ADAMTSL1: variants seen among roughly 807,000 people sequenced by gnomAD.
ADAMTSL1 encodes ADAMTS like 1, also known as ADAMTS-like protein 1.
ADAMTSL1 carries 126 observed loss-of-function variants against 201.8 expected under a neutral mutation model. The ratio of observed to expected loss-of-function variants is 0.62; its 90% confidence interval spans 0.54 to 0.72. ADAMTSL1 has a LOEUF of 0.72. Ranked by LOEUF, ADAMTSL1 falls within the 30% of genes least tolerant of loss-of-function variation. The pLI is 0.00. For synonymous variants in ADAMTSL1, 1,121 were observed against 903.4 expected (o/e 1.24, Z -4.32); for missense variants, 2,679 against 2,277.8 (o/e 1.18, Z -3.59).
intron 2 of ADAMTSL1, among the ~76,000 whole-genome samples, chr9:18,524,490 G>A (rs1206050038): frequency 1.3e-5 from 2 of 152,102 alleles, no homozygotes; most frequent in Non-Finnish European, 2.9e-5. Flanking sequence ...GAATAGGAGT[G>A]GTGAGAGAGG....
chr9:18,081,172 A>G (rs138686367), intron 1 of ADAMTSL1, among the ~76,000 whole-genome samples: 108 of 152,318 alleles, frequency 7.1e-4, no homozygotes, highest in African/African-American at 2.5e-3. Flanking sequence ...AGTCTAGTCT[A>G]TCAGAATTAG....
At chr9:18,174,060 C>G (rs956458088) in intron 2 of ADAMTSL1, among the ~76,000 whole-genome samples, 1 of 152,136 alleles carries the variant, frequency 6.6e-6, no homozygotes, top group African/African-American at 2.4e-5. Context: ...ATATTTGCTG[C>G]TTAACTTCGG....
At chr9:17,950,182 C>G (rs1003256912) in intron 1 of ADAMTSL1, among the ~76,000 whole-genome samples, 2 of 152,072 alleles carry the variant, frequency 1.3e-5, no homozygotes, top group Non-Finnish European at 2.9e-5. Flanking sequence ...GTAGGGATTA[C>G]AGGCGTGAGC....
chr9:18,390,629 A>T (rs1838004866), intron 2 of ADAMTSL1, among the ~76,000 whole-genome samples: 1 of 152,224 alleles, frequency 6.6e-6, no homozygotes, highest in Non-Finnish European at 1.5e-5. Context: ...GGTCTGGCCA[A>T]AATCCTCTCA....
chr9:18,095,312 C>T (rs1013894205), intron 1 of ADAMTSL1, among the ~76,000 whole-genome samples: 2 of 151,360 alleles, frequency 1.3e-5, no homozygotes, highest in African/African-American at 4.8e-5. Context: ...AGATGGTTTT[C>T]AATCCATTTT....
At chr9:18,550,822 G>T (rs1246020329) in intron 3 of ADAMTSL1, among the ~76,000 whole-genome samples, 1 of 151,664 alleles carries the variant, frequency 6.6e-6, no homozygotes, top group Non-Finnish European at 1.5e-5. Flanking sequence ...ACTTTGGTGG[G>T]TTTTTTTAAA....
chr9:18,591,550 C>T (rs1823916820), intron 4 of ADAMTSL1, among the ~76,000 whole-genome samples: 2 of 152,036 alleles, frequency 1.3e-5, no homozygotes. Context: ...CTTCTTATTG[C>T]CATTTGGTTA....
At chr9:18,194,896 C>G (rs1017980861) in intron 2 of ADAMTSL1, among the ~76,000 whole-genome samples, 1 of 152,002 alleles carries the variant, frequency 6.6e-6, no homozygotes, top group Admixed American at 6.6e-5. Flanking sequence ...TACTTGACAC[C>G]AAGGAGTGGG....
intron 1 of ADAMTSL1, among the ~76,000 whole-genome samples, chr9:18,115,576 C>T (rs1052411396): frequency 3.9e-5 from 6 of 152,144 alleles, no homozygotes; most frequent in Non-Finnish European, 7.3e-5. Context: ...TTTACCAGAA[C>T]TTAAAGAGGA....
At chr9:18,246,677 T>C (rs997753182) in intron 2 of ADAMTSL1, among the ~76,000 whole-genome samples, 15 of 152,210 alleles carry the variant, frequency 9.9e-5, no homozygotes, top group South Asian at 2.1e-4. Flanking sequence ...AGAAATTTCA[T>C]AGTTGCAAAG....
intron 1 of ADAMTSL1, among the ~76,000 whole-genome samples, chr9:18,043,678 T>G (rs1586939448): frequency 1.3e-5 from 2 of 152,116 alleles, no homozygotes. Flanking sequence ...TATAATCACA[T>G]GAAAAATTGT....
chr9:18,609,638 G>C (rs1310313733), intron 4 of ADAMTSL1, among the ~76,000 whole-genome samples: 2 of 152,076 alleles, frequency 1.3e-5, no homozygotes, highest in African/African-American at 2.4e-5. Flanking sequence ...AGATCCCTAA[G>C]GCACCCTTTA....
intron 7 of ADAMTSL1, among the ~76,000 whole-genome samples, chr9:18,656,076 G>A (rs954420823): frequency 6.6e-6 from 1 of 151,936 alleles, no homozygotes; most frequent in Non-Finnish European, 1.5e-5. Context: ...ACATTCTGTA[G>A]GGTTTCTCTC....
chr9:18,550,175 G>C (rs1056881174), intron 3 of ADAMTSL1, among the ~76,000 whole-genome samples: 3 of 151,928 alleles, frequency 2.0e-5, no homozygotes, highest in Admixed American at 6.6e-5. Context: ...TAACACAATG[G>C]TTCTCCAAAG....
At chr9:18,897,103 A>G (rs564764684) in intron 26 of ADAMTSL1, among the ~76,000 whole-genome samples, 2 of 152,232 alleles carry the variant, frequency 1.3e-5, no homozygotes, top group East Asian at 1.9e-4. Context: ...CTCACAACAC[A>G]CCTGCTGTGC....
intron 1 of ADAMTSL1, among the ~76,000 whole-genome samples, chr9:18,162,763 G>A (rs1011190585): frequency 6.6e-6 from 1 of 151,906 alleles, no homozygotes; most frequent in African/African-American, 2.4e-5. Context: ...AATGCAAAAT[G>A]TATGAGAGTT....
chr9:18,640,210 C>G (rs1827353601), intron 7 of ADAMTSL1, among the ~76,000 whole-genome samples: 1 of 152,128 alleles, frequency 6.6e-6, no homozygotes, highest in South Asian at 2.1e-4. Context: ...TTCCAGAATA[C>G]TGTCCTCCGT....
chr9:18,482,487 C>T (rs531607212), intron 1 of ADAMTSL1, among the ~76,000 whole-genome samples: 2 of 152,144 alleles, frequency 1.3e-5, no homozygotes, highest in African/African-American at 4.8e-5. Flanking sequence ...GGGACTTTCT[C>T]TAAGTCAATT....
At chr9:18,297,611 C>T (rs1330777941) in intron 2 of ADAMTSL1, among the ~76,000 whole-genome samples, 1 of 152,208 alleles carries the variant, frequency 6.6e-6, no homozygotes, top group Non-Finnish European at 1.5e-5. Flanking sequence ...ATATGCATCC[C>T]TCAGGTGAAC....
Sources: gnomAD v4.1 joint callset for allele counts (sites outside exome capture counted in the v4.1 genomes callset) on GRCh38, gnomAD v4.1.1 for gene constraint, MANE v1.5 for transcripts, NCBI Gene and HGNC (gene_info 2026-07-23, HGNC 2026-07-21) for gene names.